The following RBFOX1 variants were observed in gnomAD, a reference collection of about 807,000 sequenced individuals.
RBFOX1 encodes RNA binding fox-1 homolog 1, also known as RNA binding protein fox-1 homolog 1.
Under a neutral mutation model 57.7 loss-of-function variants are expected in RBFOX1, and 8 were observed. The ratio of observed to expected loss-of-function variants is 0.14; its 90% CI spans 0.08 to 0.25. The LOEUF (loss-of-function observed/expected upper bound fraction) is 0.25. Ranked by LOEUF, RBFOX1 falls within the 10% of genes least tolerant of loss-of-function variation. The probability of loss-of-function intolerance (pLI) is 1.00; values close to 1 mark genes in which losing one functional copy is unlikely to be tolerated. For missense variants in RBFOX1, 611 were observed against 548.5 expected, an observed-to-expected ratio of 1.11 and a Z score of -1.14; for synonymous variants, 326 against 222.4, an observed-to-expected ratio of 1.47 and a Z score of -4.15.
intron 4 of RBFOX1, among the ~76,000 whole-genome samples, chr16:7,080,055 C>CATATTATATATATATATAT (rs2058938144): frequency 8.1e-6 from 1 of 123,082 alleles, no homozygotes; most frequent in African/African-American, 2.9e-5. Context: ...TATATATATA[C>CATATTATATATATATATAT]ATATTATATA....
chr16:6,991,346 A>G (rs924419026), intron 3 of RBFOX1, among the ~76,000 whole-genome samples: 18 of 152,176 alleles, frequency 1.2e-4, no homozygotes, highest in African/African-American at 4.3e-4. Flanking sequence ...CAGCTAATAC[A>G]TCTGTATGTA....
intron 2 of RBFOX1, among the ~76,000 whole-genome samples, chr16:6,543,568 C>G (rs17823211): frequency 0.28 from 43,202 of 151,972 alleles, 7,159 homozygotes; most frequent in Middle Eastern, 0.43. Context: ...TCCAAGAAGG[C>G]CTTTACTGCT....
At chr16:5,988,023 A>G (rs1039629197) in intron 4 of RBFOX1, among the ~76,000 whole-genome samples, 1 of 152,184 alleles carries the variant, frequency 6.6e-6, no homozygotes, top group African/African-American at 2.4e-5. Context: ...TCTAGCCCAC[A>G]GTACTTCACC....
intron 4 of RBFOX1, among the ~76,000 whole-genome samples, chr16:7,073,473 A>G (rs987070142): frequency 6.6e-6 from 1 of 152,114 alleles, no homozygotes; most frequent in Non-Finnish European, 1.5e-5. Flanking sequence ...AAGACGATAT[A>G]ATTCAGACCC....
At position 6,623,445 on chromosome 16, in the gene RBFOX1, T is replaced by G. The variant is rs78680877; in HGVS notation, c.-63-31158T>G. On this transcript the variant is annotated intron_variant, in intron 2 of 15. Transcript: ENST00000550418. ...CTGCATATTGTTAGGTGAAAATTCT[T>G]TTTTTTTTTTTATTATACTTTAAGT... Among the ~76,000 whole-genome samples, 27 of 53,306 alleles carry G rather than the reference T, an allele frequency of 5.1e-4. No homozygotes were observed. In the East Asian group the frequency reaches 0.015, roughly 30 times the overall value. 35.0% of individuals were successfully genotyped at this position (53,306 alleles called of 152,430 possible). A position where few individuals can be genotyped will look rare whatever the true frequency, so the allele number is the denominator to read the frequency against.
intron 3 of RBFOX1, among the ~76,000 whole-genome samples, chr16:5,764,573 G>A (rs986098094): frequency 1.1e-4 from 17 of 152,114 alleles, no homozygotes; most frequent in African/African-American, 3.6e-4. Context: ...AAAAGAGAGC[G>A]CAATGGATAG....
intron 4 of RBFOX1, among the ~76,000 whole-genome samples, chr16:7,343,873 C>G (rs559361478): frequency 6.6e-6 from 1 of 152,234 alleles, no homozygotes; most frequent in South Asian, 2.1e-4. Context: ...GTTAAAGGAA[C>G]CAAATCATGT....
intron 3 of RBFOX1, among the ~76,000 whole-genome samples, chr16:5,720,260 T>A (rs1406207801): frequency 3.3e-5 from 5 of 152,350 alleles, no homozygotes; most frequent in Admixed American, 2.0e-4. Context: ...GGTCCATTTT[T>A]GACTGGGTTA....
chr16:7,034,405 G>C (rs1568463163), intron 3 of RBFOX1, among the ~76,000 whole-genome samples: 1 of 152,068 alleles, frequency 6.6e-6, no homozygotes, highest in Non-Finnish European at 1.5e-5. Flanking sequence ...AATGCACCAG[G>C]GGTCTCGGGA....
chr16:6,417,535 G>T lies in RBFOX1; in HGVS notation c.-64+100478G>T, dbSNP rs1344868027. 1.1e-4 allele frequency among the ~76,000 whole-genome samples: 17 copies of T among 149,324 alleles called. No homozygotes were observed. The East Asian group carries it at 3.4e-3, about 30-fold the overall frequency. ...CTCCCGAATAGCTGGGATTACAGGC[G>T]CCCACCACCATGCCTGGCTAGTTTT... On this transcript the variant is annotated intron_variant, in intron 2 of 15. Transcript: ENST00000550418.
At chr16:7,306,312 A>C (rs1453932854) in intron 4 of RBFOX1, among the ~76,000 whole-genome samples, 1 of 152,328 alleles carries the variant, frequency 6.6e-6, no homozygotes, top group East Asian at 1.9e-4. Context: ...TAAGATAAAC[A>C]CAAAGGTTCT....
intron 1 of RBFOX1, among the ~76,000 whole-genome samples, chr16:5,335,233 G>A (rs796732896): frequency 2.2e-4 from 33 of 152,200 alleles, no homozygotes; most frequent in African/African-American, 6.7e-4. Flanking sequence ...TGATTCAAAG[G>A]AATTCATGAT....
chr16:7,643,419 T>A (rs1176034420), intron 11 of RBFOX1, among the ~76,000 whole-genome samples: 2 of 152,244 alleles, frequency 1.3e-5, no homozygotes, highest in African/African-American at 2.4e-5. Context: ...AGCAATTATA[T>A]ATAGAAAAAC....
At chr16:7,573,667 C>A (rs1299527114) in intron 5 of RBFOX1, among the ~76,000 whole-genome samples, 1 of 151,872 alleles carries the variant, frequency 6.6e-6, no homozygotes, top group African/African-American at 2.4e-5. Context: ...AACCCTGTCT[C>A]TAGTAAAAAT....
intron 4 of RBFOX1, among the ~76,000 whole-genome samples, chr16:7,074,989 A>G (rs182221885): frequency 1.3e-5 from 2 of 152,264 alleles, no homozygotes; most frequent in East Asian, 3.9e-4. Context: ...ATCAAAGGGA[A>G]GTCAAAGGGT....
At chr16:7,159,123 C>G (rs1374947980) in intron 4 of RBFOX1, among the ~76,000 whole-genome samples, 1 of 151,922 alleles carries the variant, frequency 6.6e-6, no homozygotes, top group Non-Finnish European at 1.5e-5. Flanking sequence ...CAGGATGTAA[C>G]CTTTGGAGAC....
chr16:5,840,876 C>T (rs572762779), intron 3 of RBFOX1, among the ~76,000 whole-genome samples: 125 of 152,266 alleles, frequency 8.2e-4, no homozygotes, highest in African/African-American at 2.4e-3. Flanking sequence ...GCTTGGACTG[C>T]CAGAAGCTTC....
chr16:5,314,075 G>C (rs554790471), intron 1 of RBFOX1, among the ~76,000 whole-genome samples: 2 of 152,310 alleles, frequency 1.3e-5, no homozygotes, highest in South Asian at 4.1e-4. Flanking sequence ...CATTTATGCA[G>C]CACTTTCCAA....
chr16:5,361,600 A>G (rs901988855), intron 1 of RBFOX1, among the ~76,000 whole-genome samples: 1 of 152,348 alleles, frequency 6.6e-6, no homozygotes, highest in African/African-American at 2.4e-5. Flanking sequence ...ACAGCAGAAC[A>G]TGGAGCGTGG....
Sources: allele counts gnomAD v4.1 joint callset (sites outside exome capture counted in the v4.1 genomes callset), GRCh38; gene constraint gnomAD v4.1.1; transcripts MANE v1.5; gene names NCBI Gene and HGNC (gene_info 2026-07-23, HGNC 2026-07-21).